Variants in MLLT3 observed in about 807,000 individuals in gnomAD.
The protein encoded by MLLT3 is protein AF-9.
A neutral mutation model predicts 53.2 loss-of-function variants in MLLT3; 4 were observed. The observed-to-expected ratio is 0.08, with a 90% CI of 0.04 to 0.17. The LOEUF is 0.17. Among genes scored for constraint, MLLT3 ranks in the 10% least tolerant of loss-of-function variants. The pLI is 1.00. For missense variants in MLLT3, 569 were observed against 684.0 expected, an observed-to-expected ratio of 0.83 and a Z score of 1.87; for synonymous variants, 283 against 230.6, an observed-to-expected ratio of 1.23 and a Z score of -2.06.
chr9:20,420,375 G>A (rs1822977167), intron 4 of MLLT3, among the ~76,000 whole-genome samples: 1 of 152,062 alleles, frequency 6.6e-6, no homozygotes, highest in Non-Finnish European at 1.5e-5. Context: ...TAAATCAATT[G>A]ATTGAAAAAA....
rs182317964 is a variant in MLLT3, at chr9:20,579,799, G to T, written c.193+40855C>A. Among the ~76,000 whole-genome samples the T allele has an allele frequency of 6.6e-3, 1,003 of 152,264 alleles. 11 individuals carry two copies. The highest frequency in any genetic ancestry group is 8.1e-3 in the Non-Finnish European group (553 of 68,010). On this transcript the variant is annotated intron_variant, in intron 2 of 10. Transcript: ENST00000380338. ...AGACAGGACATGGTAACAGCATAAA[G>T]GTGAGGCCTCCAGCCTGGTGATCCA... is the stretch of plus-strand genomic sequence containing the variant.
At chr9:20,489,730 C>T (rs909925908) in intron 2 of MLLT3, among the ~76,000 whole-genome samples, 5 of 152,178 alleles carry the variant, frequency 3.3e-5, no homozygotes, top group Non-Finnish European at 7.3e-5. Flanking sequence ...GGTCTGTGCT[C>T]CAATGACAGT....
At chr9:20,531,493 G>C (rs1053171621) in intron 2 of MLLT3, among the ~76,000 whole-genome samples, 2 of 152,126 alleles carry the variant, frequency 1.3e-5, no homozygotes, top group African/African-American at 4.8e-5. Flanking sequence ...ACTTGCCTTT[G>C]TTTTAATTCT....
At chr9:20,369,850 T>A (rs1056377729) in intron 5 of MLLT3, among the ~76,000 whole-genome samples, 8 of 152,186 alleles carry the variant, frequency 5.3e-5, no homozygotes, top group Admixed American at 4.6e-4. Context: ...TAATCTCCTT[T>A]CCCCACCCTA....
rs541958764 is a variant in MLLT3, at chr9:20,608,896, C to T, written c.193+11758G>A. ...ACGTCCCAGAGATCACTTATATTAA[C>T]ATTCTACGATAGTATTTCTTCCCAT... On this transcript the variant is annotated intron_variant, in intron 2 of 10. Coordinates refer to ENST00000380338, the MANE Select transcript of MLLT3 (RefSeq NM_004529.4). Among the ~76,000 whole-genome samples the T allele has an allele frequency of 2.0e-5, 3 of 152,124 alleles. 1 individual carries two copies. Among genetic ancestry groups the T allele is most frequent in the African/African-American group, 7.2e-5 (3 of 41,560 alleles).
chr9:20,353,416 G>A, intron 10 of MLLT3, 109 bp downstream of exon 10: 2 of 904,760 alleles, frequency 2.2e-6, no homozygotes, highest in Non-Finnish European at 3.7e-6. Flanking sequence ...GCATTCGCCA[G>A]GTTCTGATAG....
intron 2 of MLLT3, among the ~76,000 whole-genome samples, chr9:20,614,318 C>A (rs1046121756): frequency 6.6e-6 from 1 of 150,506 alleles, no homozygotes; most frequent in East Asian, 2.0e-4. Context: ...TAGTTGAACC[C>A]GGGAGGCAGA....
chr9:20,573,511 A>T (rs1198413442), intron 2 of MLLT3, among the ~76,000 whole-genome samples: 1 of 152,172 alleles, frequency 6.6e-6, no homozygotes, highest in Non-Finnish European at 1.5e-5. Flanking sequence ...ACTAAGACAT[A>T]ATACAAATAA....
chr9:20,490,160 GC>G (rs1563783862), intron 2 of MLLT3, among the ~76,000 whole-genome samples: 1 of 152,140 alleles, frequency 6.6e-6, no homozygotes, highest in Non-Finnish European at 1.5e-5. Context: ...TTCTAAAGCT[GC>G]CCCCCAAAGA....
chr9:20,499,197 A>C (rs889248944), intron 2 of MLLT3, among the ~76,000 whole-genome samples: 1 of 152,172 alleles, frequency 6.6e-6, no homozygotes, highest in East Asian at 1.9e-4. Context: ...CAGTCACTGG[A>C]CTTGGGCCAA....
chr9:20,423,454 G>A (rs1009232364), intron 4 of MLLT3, among the ~76,000 whole-genome samples: 1 of 151,972 alleles, frequency 6.6e-6, no homozygotes, highest in African/African-American at 2.4e-5. Flanking sequence ...AATGCAATGG[G>A]CCCCCCTGGC....
At chr9:20,532,650 GA>G in intron 2 of MLLT3, 1 of 261,888 alleles carries the variant, frequency 3.8e-6, no homozygotes. Flanking sequence ...TCCTGTTTGA[GA>G]AAAGGCCTAA....
intron 10 of MLLT3, among the ~76,000 whole-genome samples, chr9:20,349,164 G>C (rs1314526311): frequency 6.6e-6 from 1 of 152,134 alleles, no homozygotes; most frequent in Non-Finnish European, 1.5e-5. Context: ...GGCATATCAA[G>C]TTCTGACTCT....
At chr9:20,426,614 T>C (rs1479662034) in intron 4 of MLLT3, among the ~76,000 whole-genome samples, 1 of 152,120 alleles carries the variant, frequency 6.6e-6, no homozygotes, top group Non-Finnish European at 1.5e-5. Flanking sequence ...TACATATTTA[T>C]GAGGTCTCCA....
chr9:20,554,552 A>G (rs1162565075), intron 2 of MLLT3, among the ~76,000 whole-genome samples: 4 of 152,230 alleles, frequency 2.6e-5, no homozygotes, highest in Non-Finnish European at 5.9e-5. Flanking sequence ...ATGAAACAAT[A>G]TTATAAATTG....
intron 2 of MLLT3, among the ~76,000 whole-genome samples, chr9:20,603,009 C>A (rs921111903): frequency 6.6e-6 from 1 of 152,068 alleles, no homozygotes; most frequent in Non-Finnish European, 1.5e-5. Flanking sequence ...TAGTCTCCCT[C>A]TATATATGAA....
chr9:20,458,238 T>C (rs1178064118), intron 2 of MLLT3, among the ~76,000 whole-genome samples: 1 of 152,172 alleles, frequency 6.6e-6, no homozygotes, highest in Admixed American at 6.5e-5. Context: ...CTGAACAGAG[T>C]TCCTTATGAC....
chr9:20,400,856 A>G (rs1385815686), intron 5 of MLLT3, among the ~76,000 whole-genome samples: 1 of 152,204 alleles, frequency 6.6e-6, no homozygotes, highest in Non-Finnish European at 1.5e-5. Context: ...AAAGTGACCC[A>G]TAACACCATA....
In MLLT3 at chr9:20,448,671, A is replaced by G. The variant is rs1823766553; in HGVS notation, c.277-405T>C. Among the ~76,000 whole-genome samples, 2 of 152,134 alleles carry G rather than the reference A, an allele frequency of 1.3e-5. No homozygotes were observed. The highest frequency in any genetic ancestry group is 1.5e-5 in the Non-Finnish European group (1 of 68,024). On this transcript the variant is annotated intron_variant, in intron 3 of 10. Coordinates refer to ENST00000380338, the MANE Select transcript of MLLT3 (RefSeq NM_004529.4). The surrounding 1 kb of genome is among the most constrained non-coding windows in gnomAD (Gnocchi z 4.0). The stretch of plus-strand genomic sequence containing the variant: ...CTCTAACTCTTACTACTAGGCTTTT[A>G]CTCATGGCCCAAACTATAAACTCTC...
Sources: gnomAD v4.1 joint callset for allele counts (sites outside exome capture counted in the v4.1 genomes callset) on GRCh38, gnomAD v4.1.1 for gene constraint, Gnocchi (gnomAD v3.1) non-coding constraint, MANE v1.5 for transcripts, NCBI Gene and HGNC (gene_info 2026-07-23, HGNC 2026-07-21) for gene names.